The following ABCC4 variants were observed in gnomAD, a reference collection of about 807,000 sequenced individuals.
The protein encoded by ABCC4 is ATP binding cassette subfamily C member 4 (PEL blood group).
ABCC4 carries 102 observed loss-of-function variants against 168.5 expected under a neutral mutation model. The ratio of observed to expected loss-of-function variants is 0.61; its 90% CI spans 0.52 to 0.71. ABCC4 has a LOEUF of 0.71. ABCC4 is among the 30% of genes least tolerant of loss of function. ABCC4 has a pLI of 0.00. For synonymous variants in ABCC4, 617 were observed against 590.7 expected (o/e 1.04, Z -0.65); for missense variants, 1,402 against 1,605.8 (o/e 0.87, Z 2.17).
intron 20 of ABCC4, among the ~76,000 whole-genome samples, chr13:95,110,490 C>T (rs1028743539): frequency 6.6e-6 from 1 of 152,048 alleles, no homozygotes; most frequent in Non-Finnish European, 1.5e-5. Context: ...AATAAATTTG[C>T]ACTATTAAAA....
chr13:95,154,152 T>C (rs1208350952), intron 19 of ABCC4, among the ~76,000 whole-genome samples: 1 of 152,256 alleles, frequency 6.6e-6, no homozygotes, highest in Non-Finnish European at 1.5e-5. Context: ...TATAGTCACT[T>C]GCATTTGTTA....
At position 95,178,043 on chromosome 13, in the gene ABCC4, C is replaced by T; in HGVS notation, c.1594G>A (p.Gly532Arg). Residue 532 changes from glycine (G) to arginine (R), a missense_variant, in exon 12 of 31, where the codon GGA becomes AGA. By Grantham distance (125) the Gly-to-Arg change is moderately radical (BLOSUM62 -2). This residue lies in a region of ABCC4 where 1,007 missense variants were observed against 1,127.3 expected (regional missense o/e 0.89). Transcript: ENST00000645237. ...TTCTGCCCTCCACTCAGCGTGGTTC[C>T]CCGATCTCCTATCACAGTCAGATCA... is the stretch of plus-strand genomic sequence containing the variant. ...DGDLTVIGDR[G>R]TTLSGGQKAR... The T allele has an allele frequency of 6.2e-7, 1 of 1,614,180 alleles. No individual in the cohort carries two copies. The highest frequency in any genetic ancestry group is 8.5e-7 in the Non-Finnish European group (1 of 1,180,022).
At chr13:95,205,670 C>A (rs1412062094) in intron 8 of ABCC4, among the ~76,000 whole-genome samples, 1 of 152,190 alleles carries the variant, frequency 6.6e-6, no homozygotes, top group East Asian at 1.9e-4. Flanking sequence ...TTTGAATGGG[C>A]ATGCCTGTTC....
intron 1 of ABCC4, among the ~76,000 whole-genome samples, chr13:95,296,181 C>A (rs1207792669): frequency 2.3e-3 from 83 of 35,982 alleles, no homozygotes; most frequent in African/African-American, 0.01. Context: ...CACACACACA[C>A]ACAAAAACAC....
chr13:95,043,638 A>T, intron 29 of ABCC4, 44 bp downstream of exon 29: 1 of 1,483,068 alleles, frequency 6.7e-7, no homozygotes, highest in Non-Finnish European at 9.4e-7. Context: ...TGAAAAAGTG[A>T]ACATAATTGG....
At chr13:95,272,928 G>A (rs955645110) in intron 1 of ABCC4, among the ~76,000 whole-genome samples, 13 of 151,808 alleles carry the variant, frequency 8.6e-5, no homozygotes, top group Admixed American at 2.6e-4. Context: ...ACATGTGCTG[G>A]ACAAACCTAA....
chr13:95,161,389 A>C, intron 18 of ABCC4, 54 bp from the exon 19 acceptor site: 1 of 1,404,982 alleles, frequency 7.1e-7, no homozygotes, highest in Admixed American at 2.7e-5. Flanking sequence ...CATTTTCTTC[A>C]ATAGTTGCTA....
chr13:95,237,709 G>A (rs1451097196), intron 3 of ABCC4, among the ~76,000 whole-genome samples: 1 of 152,050 alleles, frequency 6.6e-6, no homozygotes, highest in African/African-American at 2.4e-5. Flanking sequence ...GGCCCAGCGG[G>A]CACGCGGCCT....
chr13:95,124,348 A>C (rs1410096672), intron 19 of ABCC4, among the ~76,000 whole-genome samples: 2 of 152,018 alleles, frequency 1.3e-5, no homozygotes. Flanking sequence ...CAACTGGACA[A>C]GATTTTTTCC....
chr13:95,108,417 G>C (rs995558908), intron 20 of ABCC4, among the ~76,000 whole-genome samples: 1 of 152,140 alleles, frequency 6.6e-6, no homozygotes, highest in African/African-American at 2.4e-5. Context: ...TGTTGTGGGA[G>C]GGACCCAGGG....
At chr13:95,260,610 G>C (rs2040506815) in intron 1 of ABCC4, among the ~76,000 whole-genome samples, 1 of 152,032 alleles carries the variant, frequency 6.6e-6, no homozygotes, top group Non-Finnish European at 1.5e-5. Flanking sequence ...GAGGAAGAAG[G>C]GACAAATTTT....
intron 19 of ABCC4, among the ~76,000 whole-genome samples, chr13:95,142,358 C>A (rs1166688282): frequency 6.6e-6 from 1 of 152,122 alleles, no homozygotes; most frequent in Non-Finnish European, 1.5e-5. Flanking sequence ...ATGTTCTCAA[C>A]TCATAAGTAG....
intron 13 of ABCC4, among the ~76,000 whole-genome samples, chr13:95,174,730 G>A (rs886805645): frequency 1.3e-5 from 2 of 152,152 alleles, no homozygotes; most frequent in Non-Finnish European, 2.9e-5. Flanking sequence ...ATAAAGAACT[G>A]GTGGGGCCTC....
intron 25 of ABCC4, among the ~76,000 whole-genome samples, chr13:95,068,845 C>A (rs1343045345): frequency 6.6e-6 from 1 of 152,200 alleles, no homozygotes; most frequent in Non-Finnish European, 1.5e-5. Context: ...TGATGTTGAT[C>A]AGGTAGGACC....
chr13:95,210,908 C>T, intron 4 of ABCC4, 127 bp from the exon 5 acceptor site: 2 of 600,426 alleles, frequency 3.3e-6, no homozygotes, highest in Non-Finnish European at 5.9e-6. Flanking sequence ...CATCCCCACC[C>T]CCCCACTGCC....
At chr13:95,176,858 A>G (rs1276698735) in intron 13 of ABCC4, among the ~76,000 whole-genome samples, 1 of 152,220 alleles carries the variant, frequency 6.6e-6, no homozygotes, top group African/African-American at 2.4e-5. Flanking sequence ...CCAGTTCACA[A>G]TGCTTTCAAA....
intron 1 of ABCC4, among the ~76,000 whole-genome samples, chr13:95,259,287 G>A (rs1306902929): frequency 6.6e-6 from 1 of 151,984 alleles, no homozygotes; most frequent in African/African-American, 2.4e-5. Flanking sequence ...GGCTGAAGCA[G>A]GAGAATCGCT....
At chr13:95,080,803 G>A (rs182875283) in intron 21 of ABCC4, among the ~76,000 whole-genome samples, 122 of 152,106 alleles carry the variant, frequency 8.0e-4, no homozygotes, top group African/African-American at 2.8e-3. Context: ...ATTAAATGCC[G>A]GCTATGACTC....
rs574471709 is a variant in ABCC4, at chr13:95,075,167, G to C, written c.2806+265C>G. 4 of 421,296 alleles carry C rather than the reference G, an allele frequency of 9.5e-6. No individual in the cohort carries two copies. In the South Asian group the frequency reaches 1.4e-4, roughly 15 times the overall value. 26.1% of individuals were successfully genotyped at this position (421,296 alleles called of 1,614,324 possible). On this transcript the variant is annotated intron_variant, in intron 22 of 30. Coordinates refer to ENST00000645237, the MANE Select transcript of ABCC4 (RefSeq NM_005845.5). Reference sequence around the variant, plus strand: ...AGGTGGCCTTTTGCAGAAAACGTTTGCTGACAGAGCCACAGGCCATGCATG... The same window carrying C: ...AGGTGGCCTTTTGCAGAAAACGTTTCCTGACAGAGCCACAGGCCATGCATG...
Sources: gnomAD v4.1 joint callset for allele counts (sites outside exome capture counted in the v4.1 genomes callset) on GRCh38, gnomAD v4.1.1 for gene constraint, gnomAD v4.1.1 regional missense constraint, MANE v1.5 for transcripts, NCBI Gene and HGNC (gene_info 2026-07-23, HGNC 2026-07-21) for gene names.